The following MAN2B2 variants were observed in gnomAD, a reference collection of about 807,000 sequenced individuals.
MAN2B2 encodes mannosidase alpha class 2B member 2.
Under a neutral mutation model 117.1 loss-of-function variants are expected in MAN2B2, and 106 were observed. The observed-to-expected ratio is 0.90, with a 90% CI of 0.77 to 1.06. The LOEUF (loss-of-function observed/expected upper bound fraction) is 1.06, where lower values mean the gene tolerates loss of function less well. Ranked by LOEUF, MAN2B2 falls within the 50% of genes least tolerant of loss-of-function variation. The pLI is 0.00. For missense variants in MAN2B2, 1,326 were observed against 1,381.4 expected (o/e 0.96, Z 0.64); for synonymous variants, 544 against 595.1 (o/e 0.91, Z 1.25).
intron 3 of MAN2B2, among the ~76,000 whole-genome samples, chr4:6,585,685 G>C (rs564838330): frequency 6.6e-6 from 1 of 152,296 alleles, no homozygotes; most frequent in Admixed American, 6.5e-5. Context: ...TAGCCAGGGG[G>C]TTCTGGCTCA....
intron 10 of MAN2B2, among the ~76,000 whole-genome samples, chr4:6,601,124 T>TAC (rs1176557230): frequency 2.0e-5 from 3 of 152,036 alleles, no homozygotes. Flanking sequence ...GTTCCCATGA[T>TAC]ACACACACAC....
intron 1 of MAN2B2, 71 bp from the exon 2 acceptor site, chr4:6,576,507 C>A (rs1726063987): frequency 1.3e-6 from 2 of 1,567,624 alleles, no homozygotes; most frequent in Non-Finnish European, 1.7e-6. Context: ...ACACACCTGG[C>A]GAATGGCAGG....
At chr4:6,592,312 C>T (rs910548725) in intron 5 of MAN2B2, among the ~76,000 whole-genome samples, 4 of 152,202 alleles carry the variant, frequency 2.6e-5, no homozygotes, top group Non-Finnish European at 5.9e-5. Flanking sequence ...CCACATTCTA[C>T]CAGGGAGCTT....
In MAN2B2 at chr4:6,605,148, A is replaced by G. The variant is rs568290934; in HGVS notation, c.1633A>G (p.Thr545Ala). Residue 545 changes from threonine (T) to alanine (A), a missense_variant, in exon 11 of 19, where the codon ACT (threonine) becomes GCT (alanine). By Grantham distance (58) the Thr-to-Ala change is moderately conservative (BLOSUM62 0). Coordinates refer to ENST00000285599, the MANE Select transcript of MAN2B2 (RefSeq NM_015274.3). ...TTACCGGCACTACAACATCAGACCC[A>G]CTGCAGGGGCCCAAGAGGGCACCCA... The part of the protein sequence containing the change: ...LSYRHYNIRP[T>A]AGAQEGTQEP... 7.4e-6 allele frequency: 12 copies of G among 1,614,188 alleles called. No homozygotes were observed. In the South Asian group the frequency reaches 1.2e-4, roughly 16 times the overall value.
In MAN2B2 at chr4:6,589,249, T is replaced by C. The variant is rs962301949; in HGVS notation, c.680+89T>C. The C allele has an allele frequency of 1.3e-5, 14 of 1,064,726 alleles. No homozygotes were observed. In the African/African-American group the frequency reaches 1.9e-4, roughly 14 times the overall value. 66.0% of individuals were successfully genotyped at this position (1,064,726 alleles called of 1,614,324 possible). ...TGTTCTGCAGTTTTGTTTTTGTTTA[T>C]TGGTTTTAAGACAAGAGCTTCTGCT... On this transcript the variant is annotated intron_variant, in intron 5 of 18. Coordinates refer to ENST00000285599, the MANE Select transcript of MAN2B2 (RefSeq NM_015274.3).
chr4:6,584,687 G>A (rs1458440252), intron 3 of MAN2B2, among the ~76,000 whole-genome samples: 2 of 152,218 alleles, frequency 1.3e-5, no homozygotes, highest in Non-Finnish European at 2.9e-5. Context: ...ATTTGGGTTT[G>A]CTGACAGAGG....
chr4:6,609,162 G>A lies in MAN2B2; in HGVS notation c.1870G>A (p.Gly624Arg), dbSNP rs61733402. 0.084 allele frequency: 135,107 copies of A among 1,614,134 alleles called. 6,492 individuals carry two copies. The highest frequency in any genetic ancestry group is 0.096 in the Non-Finnish European group (113,170 of 1,179,962). The stretch of plus-strand genomic sequence containing the variant: ...GGAATTCCTGGAGTACCACGTCAAC[G>A]GGGATGTGAAACAGGGCCCCATTTC... Reference protein sequence around the residue: ...TQEFLEYHVNGDVKQGPISDN... With the variant: ...TQEFLEYHVNRDVKQGPISDN... Residue 624 changes from glycine (G) to arginine (R), a missense_variant, in exon 12 of 19, where the codon GGG becomes AGG. By Grantham distance (125) the Gly-to-Arg change is moderately radical (BLOSUM62 -2). Transcript: ENST00000285599.
intron 10 of MAN2B2, among the ~76,000 whole-genome samples, chr4:6,603,616 G>A (rs1727419355): frequency 6.6e-6 from 1 of 152,132 alleles, no homozygotes; most frequent in Non-Finnish European, 1.5e-5. Flanking sequence ...CCTACTGTCT[G>A]TCAGCCCCTG....
intron 10 of MAN2B2, among the ~76,000 whole-genome samples, chr4:6,601,611 C>T (rs1245090378): frequency 1.3e-5 from 2 of 152,172 alleles, no homozygotes; most frequent in Non-Finnish European, 2.9e-5. Context: ...GGCTCGCTTC[C>T]TTGGGAGCAG....
At chr4:6,586,943 G>C in intron 3 of MAN2B2, 53 bp from the exon 4 acceptor site, 1 of 1,555,798 alleles carries the variant, frequency 6.4e-7, no homozygotes. Flanking sequence ...GGATGGGGCC[G>C]GGAGGCACAG....
chr4:6,603,549 C>G (rs1468714455), intron 10 of MAN2B2, among the ~76,000 whole-genome samples: 2 of 152,072 alleles, frequency 1.3e-5, no homozygotes, highest in Non-Finnish European at 2.9e-5. Flanking sequence ...CACCCCTTCC[C>G]CACTCAGATG....
Position 6,605,344 on chromosome 4 carries a change from T to C in MAN2B2, c.1814+15T>C, listed in dbSNP as rs1205101403. The C allele has an allele frequency of 7.5e-6, 12 of 1,595,114 alleles. No individual in the cohort carries two copies. Among genetic ancestry groups the C allele is most frequent in the Non-Finnish European group, 1.0e-5 (12 of 1,167,290 alleles). On this transcript the variant is annotated intron_variant, in intron 11 of 18. Coordinates refer to ENST00000285599, the MANE Select transcript of MAN2B2 (RefSeq NM_015274.3). ...ATCTGGGAGAGGTAAGGTGCAGCCATTGCTGTCTCTGAGGCACAGGCATGC... is the reference window on the plus strand; with the variant it reads ...ATCTGGGAGAGGTAAGGTGCAGCCACTGCTGTCTCTGAGGCACAGGCATGC...
In MAN2B2 at chr4:6,593,282, G is replaced by A. The variant is rs552037144; in HGVS notation, c.790G>A (p.Glu264Lys). 2.6e-5 allele frequency: 42 copies of A among 1,613,946 alleles called. No individual in the cohort carries two copies. Among genetic ancestry groups the A allele is most frequent in the South Asian group, 2.3e-4 (21 of 91,068 alleles). ...CCCAGCCAACATCAACCTCTATGCC[G>A]AGGCCCTGGTGGCCAACGTGAAGCA... is the stretch of plus-strand genomic sequence containing the variant. Reference protein sequence around the residue: ...VTPANINLYAEALVANVKQRA... With the variant: ...VTPANINLYAKALVANVKQRA... Residue 264 changes from glutamate (E) to lysine (K), a missense_variant, in exon 6 of 19, where the codon GAG becomes AAG. Coordinates refer to ENST00000285599, the MANE Select transcript of MAN2B2 (RefSeq NM_015274.3).
rs747293583 is a variant in MAN2B2 at position 6,600,720 on chromosome 4, C to A, written c.1503C>A (p.Arg501=). ...TGACTGTTGGTTTCCCTGGAGTCCG[C>A]GTCACAGATGAGGCGGGCCACCCAG... ...VTLTVGFPGV[R]VTDEAGHPVP... Residue 501 remains arginine, a synonymous_variant, in exon 10 of 19, where the codon CGC becomes CGA. Coordinates refer to ENST00000285599, the MANE Select transcript of MAN2B2 (RefSeq NM_015274.3). 1 of 1,613,792 alleles carries A rather than the reference C, an allele frequency of 6.2e-7. No homozygotes were observed. Among genetic ancestry groups the A allele is most frequent in the African/African-American group, 1.3e-5 (1 of 74,924 alleles).
Position 6,609,165 on chromosome 4 carries a change from G to A in MAN2B2, c.1873G>A (p.Asp625Asn), listed in dbSNP as rs1460166443. 6.2e-7 allele frequency: 1 copy of A among 1,614,252 alleles called. No homozygotes were observed. The highest frequency in any genetic ancestry group is 1.1e-5 in the South Asian group (1 of 91,088). The change falls in exon 12 of 19, where the codon GAT becomes AAT. Residue 625 changes from aspartate to asparagine, a missense_variant. Coordinates refer to ENST00000285599, the MANE Select transcript of MAN2B2 (RefSeq NM_015274.3). ...QEFLEYHVNG[D>N]VKQGPISDNY... is the part of the protein sequence containing the mutation. ...ATTCCTGGAGTACCACGTCAACGGG[G>A]ATGTGAAACAGGGCCCCATTTCCGA...
In MAN2B2 at chr4:6,605,182, C is replaced by A; in HGVS notation, c.1667C>A (p.Ala556Asp). 6.2e-7 allele frequency: 1 copy of A among 1,614,224 alleles called. No homozygotes were observed. The change falls in exon 11 of 19, where the codon GCT (alanine) becomes GAT (aspartate). Residue 556 changes from alanine (A) to aspartate (D), a missense_variant. Physicochemically the swap from Ala to Asp is moderately radical, Grantham distance 126. Coordinates refer to ENST00000285599, the MANE Select transcript of MAN2B2 (RefSeq NM_015274.3). ...GCCCAAGAGGGCACCCAGGAGCCGGCTGCCACTGTGGCGAGCACCCTTCAA... is the reference window on the plus strand; with the variant it reads ...GCCCAAGAGGGCACCCAGGAGCCGGATGCCACTGTGGCGAGCACCCTTCAA... ...AGAQEGTQEP[A>D]ATVASTLQFG...
chr4:6,582,962 A>C (rs1726493215), intron 3 of MAN2B2, among the ~76,000 whole-genome samples: 1 of 152,178 alleles, frequency 6.6e-6, no homozygotes, highest in Non-Finnish European at 1.5e-5. Context: ...ACAAGAAGGA[A>C]GGTGTGTTTC....
In MAN2B2 at chr4:6,605,284, T is replaced by C. The variant is rs1177507322; in HGVS notation, c.1769T>C (p.Val590Ala). 2 of 1,613,892 alleles carry C rather than the reference T, an allele frequency of 1.2e-6. No homozygotes were observed. Among genetic ancestry groups the C allele is most frequent in the Admixed American group, 3.3e-5 (2 of 60,018 alleles). The change falls in exon 11 of 19, where the codon GTG (valine) becomes GCG (alanine). Residue 590 changes from valine (V) to alanine (A), a missense_variant. By Grantham distance (64) the Val-to-Ala change is moderately conservative. Transcript: ENST00000285599. ...LVPVANDCYI[V>A]LLDQDTNLMH... The stretch of plus-strand genomic sequence containing the variant: ...CCTGTGGCAAACGACTGCTACATTG[T>C]GCTGCTCGACCAGGATACCAACCTG...
intron 9 of MAN2B2, among the ~76,000 whole-genome samples, chr4:6,600,404 C>A (rs1216980519): frequency 6.6e-6 from 1 of 152,244 alleles, no homozygotes; most frequent in Non-Finnish European, 1.5e-5. Flanking sequence ...TTCCGAGCCC[C>A]TCCGCCTGCC....
Sources: gnomAD v4.1 joint callset for allele counts (sites outside exome capture counted in the v4.1 genomes callset) on GRCh38, gnomAD v4.1.1 for gene constraint, MANE v1.5 for transcripts, NCBI Gene and HGNC (gene_info 2026-07-23, HGNC 2026-07-21) for gene names.